Variants in KDM2A observed in about 807,000 individuals in gnomAD.
The protein encoded by KDM2A is lysine-specific demethylase 2A.
In KDM2A, 3 loss-of-function variants were observed where a neutral mutation model predicts 137.3. The ratio of observed to expected loss-of-function variants is 0.02; its 90% CI spans 0.01 to 0.06. The LOEUF (loss-of-function observed/expected upper bound fraction) is 0.06. Ranked by LOEUF, KDM2A falls within the 10% of genes least tolerant of loss-of-function variation. KDM2A has a pLI of 1.00. For missense variants in KDM2A, 738 were observed against 1,510.6 expected, an observed-to-expected ratio of 0.49 and a Z score of 8.48; for synonymous variants, 512 against 541.5, an observed-to-expected ratio of 0.95 and a Z score of 0.76.
chr11:67,147,980 A>T (rs1325888184), intron 2 of KDM2A, among the ~76,000 whole-genome samples: 5 of 151,970 alleles, frequency 3.3e-5, no homozygotes, highest in African/African-American at 1.2e-4. Flanking sequence ...CCCGGCCCTC[A>T]TTAGAGAGTC....
rs147675628 is a variant in KDM2A, at chr11:67,206,625, A to G, written c.308-885A>G. On this transcript the variant is annotated intron_variant, in intron 5 of 20. Transcript: ENST00000529006. ...GTGGCGTGTGCCTGTAGTCCCAGCT[A>G]CTGTGGAGGTTGAGGCAGGAGAACT... is the stretch of plus-strand genomic sequence containing the variant. Among the ~76,000 whole-genome samples the G allele has an allele frequency of 2.0e-5, 3 of 152,160 alleles. No individual in the cohort carries two copies. The East Asian group carries it at 5.8e-4, about 29-fold the overall frequency.
Position 67,142,596 on chromosome 11 carries a change from G to T in KDM2A, c.42+21238G>T, listed in dbSNP as rs1009403338. Among the ~76,000 whole-genome samples, 11 of 150,210 alleles carry T rather than the reference G, an allele frequency of 7.3e-5. No homozygotes were observed. The South Asian group carries it at 2.1e-3, about 29-fold the overall frequency. On this transcript the variant is annotated intron_variant, in intron 2 of 20. Coordinates refer to ENST00000529006, the MANE Select transcript of KDM2A (RefSeq NM_012308.3). ...GGGTTGGGGTTGGGGTTGGGGTTGG[G>T]GGGGCGTCAAGGCAAGAGAATCGCT...
intron 6 of KDM2A, among the ~76,000 whole-genome samples, chr11:67,209,130 A>C (rs1857901303): frequency 6.6e-6 from 1 of 151,806 alleles, no homozygotes; most frequent in Non-Finnish European, 1.5e-5. Flanking sequence ...ACGGGGTTTC[A>C]TCATGTTGGC....
chr11:67,240,291 C>T, intron 12 of KDM2A: 5 of 1,535,634 alleles, frequency 3.3e-6, no homozygotes, highest in Non-Finnish European at 4.4e-6. Flanking sequence ...GGAGAACTTC[C>T]AGTACAGAAA....
At chr11:67,217,638 T>G in intron 8 of KDM2A, 93 bp from the exon 9 acceptor site, 1 of 1,279,094 alleles carries the variant, frequency 7.8e-7, no homozygotes, top group South Asian at 1.3e-5. Flanking sequence ...TTCTTCTACC[T>G]GGTGGTCTTA....
intron 2 of KDM2A, among the ~76,000 whole-genome samples, chr11:67,178,148 G>C (rs990823184): frequency 1.7e-4 from 26 of 152,180 alleles, no homozygotes; most frequent in Admixed American, 5.9e-4. Flanking sequence ...ACTGAAGCCT[G>C]TAATCCCAGC....
chr11:67,163,003 C>T (rs1011064242), intron 2 of KDM2A, among the ~76,000 whole-genome samples: 3 of 152,162 alleles, frequency 2.0e-5, no homozygotes, highest in African/African-American at 7.2e-5. Context: ...AGCCACCAAG[C>T]GTGGCCATGA....
rs946184304 is a variant in KDM2A, at chr11:67,135,658, A to G, written c.42+14300A>G. Among the ~76,000 whole-genome samples, 17 of 152,308 alleles carry G rather than the reference A, an allele frequency of 1.1e-4. 2 individuals carry two copies. The highest frequency in any genetic ancestry group is 7.8e-4 in the Admixed American group (12 of 15,308). ...TATTCATAAATGTAGTGATCGTTTT[A>G]TAGTAGTTTTATAGTTTGCAAAGTA... is the stretch of plus-strand genomic sequence containing the variant. On this transcript the variant is annotated intron_variant, in intron 2 of 20. Transcript: ENST00000529006.
At chr11:67,181,805 A>C (rs752036560) in intron 4 of KDM2A, 41 bp from the exon 5 acceptor site, 2 of 1,576,458 alleles carry the variant, frequency 1.3e-6, no homozygotes, top group Non-Finnish European at 1.7e-6. Flanking sequence ...TACTAGAGCA[A>C]TTGTGTTTTC....
At chr11:67,230,658 A>C (rs546468321) in intron 11 of KDM2A, among the ~76,000 whole-genome samples, 125 of 152,114 alleles carry the variant, frequency 8.2e-4, no homozygotes, top group African/African-American at 2.9e-3. Flanking sequence ...AAAAAAAAAA[A>C]CCCACATAAT....
intron 2 of KDM2A, among the ~76,000 whole-genome samples, chr11:67,123,362 G>C (rs956256548): frequency 6.9e-6 from 1 of 145,158 alleles, no homozygotes; most frequent in Non-Finnish European, 1.5e-5. Context: ...CATATATTCC[G>C]GTGAGCCTAA....
At chr11:67,214,019 C>T (rs991143785) in intron 6 of KDM2A, among the ~76,000 whole-genome samples, 5 of 151,844 alleles carry the variant, frequency 3.3e-5, no homozygotes, top group Non-Finnish European at 5.9e-5. Flanking sequence ...CATGCCACAA[C>T]GCCTGGCTGT....
In KDM2A at chr11:67,255,308, G is replaced by A. The variant is rs750431980; in HGVS notation, c.*253G>A. 21 of 531,972 alleles carry A rather than the reference G, an allele frequency of 3.9e-5. No homozygotes were observed. Among genetic ancestry groups the A allele is most frequent in the Non-Finnish European group, 6.2e-5 (18 of 290,952 alleles). The allele number at this position is 531,972 out of a possible 1,614,324, so 33.0% of individuals were successfully genotyped here. On this transcript the variant is annotated 3_prime_UTR_variant, in exon 21 of 21. Transcript: ENST00000529006. Reference sequence around the variant, plus strand: ...AGGGGAAAGCACAGGCTGTGCTGTCGAGGCGCCTGCTCGCTTACTCGCCTG... The same window carrying A: ...AGGGGAAAGCACAGGCTGTGCTGTCAAGGCGCCTGCTCGCTTACTCGCCTG...
Position 67,120,196 on chromosome 11 carries a change from C to T in KDM2A, c.-84+147C>T, listed in dbSNP as rs574035374. The T allele has an allele frequency of 2.6e-5, 4 of 152,370 alleles. No individual in the cohort carries two copies. In the South Asian group the frequency reaches 6.2e-4, roughly 24 times the overall value. The allele number at this position is 152,370 out of a possible 1,614,324, so 9.4% of individuals were successfully genotyped here. On this transcript the variant is annotated intron_variant, in intron 1 of 20. Transcript: ENST00000529006. ...GAGCCCAGCGAGATTCGCCCTTTTT[C>T]CTCTCCGGCCCTGGCTGCTCCATGC...
In KDM2A at chr11:67,255,732, T is replaced by C. The variant is rs1859585401; in HGVS notation, c.*677T>C. On this transcript the variant is annotated 3_prime_UTR_variant, in exon 21 of 21. Transcript: ENST00000529006. ...TACCCGACTTACTTGCTAGTCTCTA[T>C]GAGGTCCTTATTGCACTTATTGGGG... 1 of 378,814 alleles carries C rather than the reference T, an allele frequency of 2.6e-6. No homozygotes were observed. The highest frequency in any genetic ancestry group is 5.3e-6 in the Non-Finnish European group (1 of 188,130). 23.5% of individuals were successfully genotyped at this position (378,814 alleles called of 1,614,324 possible). A position where few individuals can be genotyped will look rare whatever the true frequency, so the allele number is the denominator to read the frequency against.
chr11:67,124,660 G>A (rs1176674087), intron 2 of KDM2A, among the ~76,000 whole-genome samples: 3 of 148,394 alleles, frequency 2.0e-5, no homozygotes, highest in African/African-American at 7.4e-5. Context: ...GAGGAATAGT[G>A]GGAAGGAGAG....
At chr11:67,234,488 G>T (rs1858809573) in intron 12 of KDM2A, among the ~76,000 whole-genome samples, 1 of 152,190 alleles carries the variant, frequency 6.6e-6, no homozygotes, top group Admixed American at 6.5e-5. Context: ...GTGATAAAAG[G>T]GCTTTTTTTA....
intron 2 of KDM2A, among the ~76,000 whole-genome samples, chr11:67,154,741 G>A (rs1298639969): frequency 6.6e-6 from 1 of 152,032 alleles, no homozygotes; most frequent in Non-Finnish European, 1.5e-5. Context: ...GCCCAGCCTG[G>A]GTGTTTCATG....
intron 2 of KDM2A, among the ~76,000 whole-genome samples, chr11:67,153,361 A>T (rs943476102): frequency 2.0e-4 from 31 of 152,168 alleles, no homozygotes; most frequent in Admixed American, 1.3e-4. Flanking sequence ...AAGGTCCTGG[A>T]ACCAGGTGTA....
Sources: gnomAD v4.1 joint callset for allele counts (sites outside exome capture counted in the v4.1 genomes callset) on GRCh38, gnomAD v4.1.1 for gene constraint, MANE v1.5 for transcripts, NCBI Gene and HGNC (gene_info 2026-07-23, HGNC 2026-07-21) for gene names.